Variants in GKAP1 observed in about 807,000 individuals in gnomAD.
GKAP1 encodes the protein G kinase-anchoring protein 1.
In GKAP1, 31 loss-of-function variants were observed where a neutral mutation model predicts 56.7. The ratio of observed to expected loss-of-function variants is 0.55; its 90% CI spans 0.41 to 0.74. The LOEUF (loss-of-function observed/expected upper bound fraction) is 0.74, where lower values mean the gene tolerates loss of function less well. Among genes scored for constraint, GKAP1 ranks in the 30% least tolerant of loss-of-function variants. GKAP1 has a pLI of 0.00. For missense variants in GKAP1, 364 were observed against 402.3 expected (o/e 0.90, Z 0.82); for synonymous variants, 151 against 138.6 (o/e 1.09, Z -0.63).
At chr9:83,752,460 C>T (rs1424051904) in intron 9 of GKAP1, among the ~76,000 whole-genome samples, 4 of 152,000 alleles carry the variant, frequency 2.6e-5, no homozygotes, top group East Asian at 1.9e-4. Context: ...TAAGTGAATA[C>T]GCCACACATA....
intron 6 of GKAP1, among the ~76,000 whole-genome samples, chr9:83,784,184 TTGAGTCG>T (rs1944024834): frequency 1.3e-5 from 2 of 151,852 alleles, no homozygotes; most frequent in African/African-American, 4.8e-5. Flanking sequence ...TAAGAATTGC[TTGAGTCG>T]TGGAGGCGGA....
intron 3 of GKAP1, among the ~76,000 whole-genome samples, chr9:83,801,934 T>C (rs547090717): frequency 5.3e-5 from 8 of 152,298 alleles, no homozygotes; most frequent in Admixed American, 4.6e-4. Flanking sequence ...GGAAATGTAA[T>C]AGAAAAAATA....
At chr9:83,782,347 A>T (rs958806892) in intron 6 of GKAP1, among the ~76,000 whole-genome samples, 1 of 150,708 alleles carries the variant, frequency 6.6e-6, no homozygotes, top group Non-Finnish European at 1.5e-5. Context: ...CTTTTTTACT[A>T]ATCTTGGATT....
intron 11 of GKAP1, among the ~76,000 whole-genome samples, chr9:83,742,266 GT>G (rs3217183): frequency 0.55 from 82,974 of 151,708 alleles, 23,606 homozygotes; most frequent in Admixed American, 0.69. Flanking sequence ...CAGATACAGG[GT>G]TAAGTTCTAT....
intron 2 of GKAP1, among the ~76,000 whole-genome samples, chr9:83,806,998 C>T (rs925808923): frequency 1.3e-5 from 2 of 152,134 alleles, no homozygotes; most frequent in Non-Finnish European, 2.9e-5. Flanking sequence ...AGACGGAATA[C>T]CACTCTTATC....
chr9:83,785,024 A>C (rs1944041149), intron 5 of GKAP1, among the ~76,000 whole-genome samples, 186 bp from the exon 6 acceptor site: 1 of 152,134 alleles, frequency 6.6e-6, no homozygotes, highest in African/African-American at 2.4e-5. Flanking sequence ...CTTACATCTT[A>C]AACATTAAAA....
At chr9:83,753,178 A>G in intron 9 of GKAP1, 80 bp downstream of exon 9, 1 of 777,804 alleles carries the variant, frequency 1.3e-6, no homozygotes, top group Non-Finnish European at 2.2e-6. Context: ...TGCATATTAA[A>G]CATATTTACA....
chr9:83,800,194 C>T (rs1343903855), intron 3 of GKAP1, among the ~76,000 whole-genome samples: 1 of 151,910 alleles, frequency 6.6e-6, no homozygotes, highest in Non-Finnish European at 1.5e-5. Flanking sequence ...GAGAAAAATA[C>T]TGAGAGGCTG....
intron 4 of GKAP1, among the ~76,000 whole-genome samples, chr9:83,797,598 A>G (rs1368899395): frequency 6.6e-6 from 1 of 152,196 alleles, no homozygotes; most frequent in Admixed American, 6.5e-5. Context: ...ACCCATCAGT[A>G]GTATACTCAG....
intron 4 of GKAP1, among the ~76,000 whole-genome samples, chr9:83,796,126 C>A (rs1944242510): frequency 6.6e-6 from 1 of 151,966 alleles, no homozygotes; most frequent in African/African-American, 2.4e-5. Flanking sequence ...GAGCTAGGGT[C>A]TCACTATGTT....
At chr9:83,803,246 C>T (rs1208402779) in intron 3 of GKAP1, among the ~76,000 whole-genome samples, 2 of 149,146 alleles carry the variant, frequency 1.3e-5, no homozygotes, top group African/African-American at 2.4e-5. Flanking sequence ...CTCCCCTCTC[C>T]CCTCTCCCTC....
chr9:83,801,798 A>G (rs940325278), intron 3 of GKAP1, among the ~76,000 whole-genome samples: 2 of 152,208 alleles, frequency 1.3e-5, no homozygotes, highest in African/African-American at 4.8e-5. Flanking sequence ...AAAAGAAAAT[A>G]GTGGGCAATC....
In GKAP1 at chr9:83,758,381, T is replaced by C. The variant is rs1186033549; in HGVS notation, c.739-5022A>G. ...GGTTAGAAAACTAGATTCATTATTGTTGTAATTATTTTAAAATACCTATGC... is the reference window on the plus strand; with the variant it reads ...GGTTAGAAAACTAGATTCATTATTGCTGTAATTATTTTAAAATACCTATGC... On this transcript the variant is annotated intron_variant, in intron 8 of 12. Transcript: ENST00000376371. Among the ~76,000 whole-genome samples, 6 of 152,286 alleles carry C rather than the reference T, an allele frequency of 3.9e-5. No homozygotes were observed. The East Asian group carries it at 1.2e-3, about 29-fold the overall frequency.
intron 6 of GKAP1, among the ~76,000 whole-genome samples, chr9:83,782,005 A>G (rs976907090): frequency 2.0e-5 from 3 of 151,710 alleles, no homozygotes; most frequent in Non-Finnish European, 2.9e-5. Context: ...CACCATGCCC[A>G]GCTAATTTTT....
At chr9:83,781,846 C>CTTTT (rs147452137) in intron 6 of GKAP1, among the ~76,000 whole-genome samples, 5 of 138,024 alleles carry the variant, frequency 3.6e-5, no homozygotes, top group Non-Finnish European at 4.6e-5. Flanking sequence ...TGTATTTCTT[C>CTTTT]TTTTTTTTTT....
At chr9:83,746,250 G>C (rs1276722276) in intron 10 of GKAP1, among the ~76,000 whole-genome samples, 1 of 152,152 alleles carries the variant, frequency 6.6e-6, no homozygotes, top group African/African-American at 2.4e-5. Context: ...TTTAAATTTT[G>C]TTTGGACAGT....
intron 2 of GKAP1, among the ~76,000 whole-genome samples, chr9:83,815,044 C>T (rs1944563002): frequency 2.0e-5 from 3 of 152,152 alleles, no homozygotes; most frequent in East Asian, 1.9e-4. Context: ...TGGTGGCGCA[C>T]GCCTGTAGTC....
In GKAP1 at chr9:83,739,506, C is replaced by A; in HGVS notation, c.*191G>T. 1 of 420,974 alleles carries A rather than the reference C, an allele frequency of 2.4e-6. No homozygotes were observed. Among genetic ancestry groups the A allele is most frequent in the Non-Finnish European group, 4.2e-6 (1 of 238,096 alleles). 26.1% of individuals were successfully genotyped at this position (420,974 alleles called of 1,614,324 possible). ...GATAGTAGACAACCACTGAATTCTG[C>A]TGGAATTCTCTATTTCTTCTTTTTC... is the stretch of plus-strand genomic sequence containing the variant. On this transcript the variant is annotated 3_prime_UTR_variant, in exon 13 of 13. Transcript: ENST00000376371.
intron 4 of GKAP1, among the ~76,000 whole-genome samples, chr9:83,798,837 T>C (rs567345271): frequency 6.6e-6 from 1 of 152,180 alleles, no homozygotes; most frequent in Non-Finnish European, 1.5e-5. Context: ...CTAGTCACTG[T>C]GTATTTTTAA....
Sources: allele counts gnomAD v4.1 joint callset (sites outside exome capture counted in the v4.1 genomes callset), GRCh38; gene constraint gnomAD v4.1.1; transcripts MANE v1.5; gene names NCBI Gene and HGNC (gene_info 2026-07-23, HGNC 2026-07-21).